The following ITGA2B variants were observed in gnomAD, a reference collection of about 807,000 sequenced individuals.
ITGA2B encodes the protein integrin subunit alpha 2b, also known as integrin alpha-IIb.
Under a neutral mutation model 142.0 loss-of-function variants are expected in ITGA2B, and 91 were observed. That is an observed-to-expected ratio of 0.64 (90% confidence interval 0.54 to 0.76). The LOEUF is 0.76. Ranked by LOEUF, ITGA2B falls within the 30% of genes least tolerant of loss-of-function variation. The pLI is 0.00. For synonymous variants in ITGA2B, 536 were observed against 567.2 expected (o/e 0.94, Z 0.78); for missense variants, 1,231 against 1,350.8 (o/e 0.91, Z 1.39).
In ITGA2B at chr17:44,384,856, G is replaced by C. The variant is rs2048629926; in HGVS notation, c.799+92C>G. On this transcript the variant is annotated intron_variant, in intron 7 of 29. Transcript: ENST00000262407. ...TTAGGCGGTGGGTTGGCCGGCAGGG[G>C]TGGCCATGGAGGCTCCCACAGGGGC... 1.9e-6 allele frequency: 3 copies of C among 1,592,112 alleles called. No individual in the cohort carries two copies. In the Admixed American group the frequency reaches 5.0e-5, roughly 27 times the overall value.
rs200019346 is a variant in ITGA2B at position 44,379,856 on chromosome 17, C to T, written c.1753-42G>A. 14 of 1,613,430 alleles carry T rather than the reference C, an allele frequency of 8.7e-6. No homozygotes were observed. The East Asian group carries it at 3.1e-4, about 36-fold the overall frequency. On this transcript the variant is annotated intron_variant, in intron 17 of 29. Coordinates refer to ENST00000262407, the MANE Select transcript of ITGA2B (RefSeq NM_000419.5). ...AGTCAGGCCATCTTGCTACCATACACATCCCACCTTCTCCTGGCCAGTAGG... is the reference window on the plus strand; with the variant it reads ...AGTCAGGCCATCTTGCTACCATACATATCCCACCTTCTCCTGGCCAGTAGG...
chr17:44,388,818 CTTTTT>C (rs758076614), intron 1 of ITGA2B, among the ~76,000 whole-genome samples: 2 of 132,200 alleles, frequency 1.5e-5, no homozygotes, highest in African/African-American at 5.7e-5. Context: ...TGCCTGGTCT[CTTTTT>C]TTTTTTTTTT....
At chr17:44,387,046 C>A (rs2048655463) in intron 1 of ITGA2B, among the ~76,000 whole-genome samples, 1 of 150,784 alleles carries the variant, frequency 6.6e-6, no homozygotes, top group South Asian at 2.1e-4. Flanking sequence ...CAGGCGTGAG[C>A]CTCTGTGTCT....
intron 4 of ITGA2B, 27 bp downstream of exon 4, chr17:44,385,524 C>T: frequency 6.5e-7 from 1 of 1,539,812 alleles, no homozygotes; most frequent in Non-Finnish European, 8.7e-7. Context: ...CGCGAGTGGG[C>T]GGGGCCAGGT....
rs1445230923 is a variant in ITGA2B, at chr17:44,385,613, C to G, written c.512G>C (p.Arg171Pro). The change falls in exon 4 of 30, where the codon CGC becomes CCC. Residue 171 changes from arginine (R) to proline (P), a missense_variant. Physicochemically the swap from Arg to Pro is moderately radical, Grantham distance 103 (BLOSUM62 -2). Around this residue, in one of 3 missense-constraint regions of ITGA2B, gnomAD observed 318 missense variants for 312.2 expected, o/e 1.02. Coordinates refer to ENST00000262407, the MANE Select transcript of ITGA2B (RefSeq NM_000419.5). ...CFLAQPESGR[R>P]AEYSPCRGNT... ...CCCGCGACAGGGGGAGTACTCGGCG[C>G]GGCGGCCGCTCTCTGGCTGAGCCAA... 2 of 1,612,150 alleles carry G rather than the reference C, an allele frequency of 1.2e-6. No individual in the cohort carries two copies.
At chr17:44,389,251 T>C (rs1279684132) in intron 1 of ITGA2B, 35 bp downstream of exon 1, 1 of 1,607,616 alleles carries the variant, frequency 6.2e-7, no homozygotes, top group Non-Finnish European at 8.5e-7. Context: ...GGGGTCCTGC[T>C]CTCTCCCAAT....
Position 44,383,679 on chromosome 17 carries a change from G to T in ITGA2B, c.1024C>A (p.Pro342Thr). The T allele has an allele frequency of 6.3e-7, 1 of 1,585,932 alleles. No individual in the cohort carries two copies. Among genetic ancestry groups the T allele is most frequent in the South Asian group, 1.1e-5 (1 of 87,224 alleles). Reference protein sequence around the residue: ...DGRHDLLVGAPLYMESRADRK... With the variant: ...DGRHDLLVGATLYMESRADRK... The stretch of plus-strand genomic sequence containing the variant: ...TCTGCCCGGCTCTCCATATACAGTG[G>T]AGCGCCCACCAGCAGATCATGCCTC... The change falls in exon 12 of 30, where the codon CCA (proline) becomes ACA (threonine). Residue 342 changes from proline (P) to threonine (T), a missense_variant. By Grantham distance (38) the Pro-to-Thr change is conservative. Around this residue, in one of 3 missense-constraint regions of ITGA2B, gnomAD observed 908 missense variants for 1,021.1 expected, o/e 0.89. Transcript: ENST00000262407.
chr17:44,372,801 A>G (rs541448542), intron 29 of ITGA2B, among the ~76,000 whole-genome samples: 21 of 149,872 alleles, frequency 1.4e-4, no homozygotes, highest in Non-Finnish European at 2.4e-4. Flanking sequence ...GCTAATTTTT[A>G]GTAGAGACAG....
At chr17:44,378,731 G>T in intron 18 of ITGA2B, 21 bp from the exon 19 acceptor site, 1 of 1,552,476 alleles carries the variant, frequency 6.4e-7, no homozygotes. Context: ...ACATTGGGGT[G>T]TGCGGGTAAG....
Position 44,375,632 on chromosome 17 carries a change from CTG to C in ITGA2B, c.2684_2685del (p.Pro895ArgfsTer27). The C allele has an allele frequency of 3.7e-6, 6 of 1,613,790 alleles. No homozygotes were observed. Among genetic ancestry groups the C allele is most frequent in the Non-Finnish European group, 5.1e-6 (6 of 1,179,920 alleles). On this transcript the variant is annotated frameshift_variant, in exon 26 of 30. Coordinates refer to ENST00000262407, the MANE Select transcript of ITGA2B (RefSeq NM_000419.5). LOFTEE classifies it high-confidence loss of function. ...TGAAGCCTCGAGGGCTGCTCGGGCT[CTG>C]GCAGGAAGATCTGTCTGCGATCCCG... ...HKRDRRQIFL[P>X]EPEQPSRLQD...
chr17:44,384,728 C>A (rs2048628486), intron 7 of ITGA2B, 143 bp from the exon 8 acceptor site: 3 of 1,264,346 alleles, frequency 2.4e-6, no homozygotes, highest in South Asian at 2.4e-5. Context: ...GGGGCCAAGC[C>A]CTGCCCCAGG....
At chr17:44,375,366 T>C in intron 26 of ITGA2B, 1 of 644,342 alleles carries the variant, frequency 1.6e-6, no homozygotes, top group East Asian at 2.7e-5. Context: ...TTTGGCATTG[T>C]TTTATGCTCC....
rs937796082 is a variant in ITGA2B, at chr17:44,374,656, C to A, written c.2943+3G>T. On this transcript the variant is annotated splice_donor_region_variant and intron_variant, in intron 28 of 29. Transcript: ENST00000262407. ...GGTCTCTGCTCCATCCCCCCACACT[C>A]ACCTGAGCTTCCCCTCGGGGCAGGC... 4.3e-6 allele frequency: 7 copies of A among 1,612,818 alleles called. No individual in the cohort carries two copies. Among genetic ancestry groups the A allele is most frequent in the Non-Finnish European group, 5.9e-6 (7 of 1,178,824 alleles).
Position 44,374,632 on chromosome 17 carries a change from G to A in ITGA2B, c.2943+27C>T, listed in dbSNP as rs180691719. The A allele has an allele frequency of 2.4e-5, 39 of 1,592,746 alleles. No individual in the cohort carries two copies. In the Admixed American group the frequency reaches 5.3e-4, roughly 22 times the overall value. On this transcript the variant is annotated intron_variant, in intron 28 of 29. Transcript: ENST00000262407. ...GGGGACAATGGGTCCTGCAGGACTG[G>A]TCTCTGCTCCATCCCCCCACACTCA...
At chr17:44,385,507 A>G in intron 4 of ITGA2B, 44 bp downstream of exon 4, 3 of 1,534,994 alleles carry the variant, frequency 2.0e-6, no homozygotes, top group Non-Finnish European at 1.7e-6. Context: ...GGGCGGGGCC[A>G]AGCCGTCGCG....
intron 18 of ITGA2B, 32 bp downstream of exon 18, chr17:44,379,657 C>A: frequency 6.2e-7 from 1 of 1,613,756 alleles, no homozygotes; most frequent in Non-Finnish European, 8.5e-7. Flanking sequence ...AGGGGTCCTG[C>A]ACCTCCCTGG....
chr17:44,378,456 T>C lies in ITGA2B; in HGVS notation c.2000A>G (p.Asp667Gly). The C allele has an allele frequency of 6.2e-7, 1 of 1,613,686 alleles. No individual in the cohort carries two copies. Among genetic ancestry groups the C allele is most frequent in the South Asian group, 1.1e-5 (1 of 90,840 alleles). ...GADNVLELQM[D>G]AANEGEGAYE... ...GGCCCCCTCGCCCTCGTTGGCTGCGTCCATCTGCAGCTCCAGGACATTATC... is the reference window on the plus strand; with the variant it reads ...GGCCCCCTCGCCCTCGTTGGCTGCGCCCATCTGCAGCTCCAGGACATTATC... Residue 667 changes from aspartate (D) to glycine (G), a missense_variant, in exon 20 of 30, where the codon GAC (aspartate) becomes GGC (glycine). By Grantham distance (94) the Asp-to-Gly change is moderately conservative. Coordinates refer to ENST00000262407, the MANE Select transcript of ITGA2B (RefSeq NM_000419.5).
intron 7 of ITGA2B, 135 bp downstream of exon 7, chr17:44,384,813 G>T: frequency 1.4e-6 from 2 of 1,449,430 alleles, no homozygotes; most frequent in Non-Finnish European, 1.9e-6. Flanking sequence ...AGCCGCAGGA[G>T]CGGAGGGCGG....
rs1310216248 is a variant in ITGA2B at position 44,384,336 on chromosome 17, G to T, written c.866C>A (p.Pro289His). 6.2e-7 allele frequency: 1 copy of T among 1,613,654 alleles called. No individual in the cohort carries two copies. Among genetic ancestry groups the T allele is most frequent in the African/African-American group, 1.3e-5 (1 of 75,006 alleles). The part of the protein sequence containing the change: ...LNTTEYVVGA[P>H]TWSWTLGAVE... ...CGCTCCCAGGGTCCAGCTCCAAGTG[G>T]GGGCACCGACGACATATTCTGGCGA... The change falls in exon 9 of 30, where the codon CCC becomes CAC. Residue 289 changes from proline to histidine, a missense_variant. This residue lies in a region of ITGA2B where 908 missense variants were observed against 1,021.1 expected (regional missense o/e 0.89). Coordinates refer to ENST00000262407, the MANE Select transcript of ITGA2B (RefSeq NM_000419.5).
Sources: allele counts gnomAD v4.1 joint callset (sites outside exome capture counted in the v4.1 genomes callset), GRCh38; gene constraint gnomAD v4.1.1; regional missense constraint gnomAD v4.1.1; transcripts MANE v1.5; gene names NCBI Gene and HGNC (gene_info 2026-07-23, HGNC 2026-07-21).